The following G3BP1 variants were observed in gnomAD, a reference collection of about 807,000 sequenced individuals.
G3BP1 encodes ras GTPase-activating protein-binding protein 1.
G3BP1 carries 35 observed loss-of-function variants against 58.6 expected under a neutral mutation model. That is an observed-to-expected ratio of 0.60 (90% CI 0.46 to 0.79). The LOEUF (loss-of-function observed/expected upper bound fraction) is 0.79, where lower values mean the gene tolerates loss of function less well. Among genes scored for constraint, G3BP1 ranks in the 30% least tolerant of loss-of-function variants. The pLI is 0.00. For synonymous variants in G3BP1, 191 were observed against 195.4 expected, an observed-to-expected ratio of 0.98 and a Z score of 0.19; for missense variants, 523 against 580.8, an observed-to-expected ratio of 0.90 and a Z score of 1.02.
intron 4 of G3BP1, chr5:151,791,985 G>A: frequency 7.2e-6 from 3 of 415,610 alleles, no homozygotes; most frequent in Non-Finnish European, 1.4e-5. Context: ...TGTAAATGAA[G>A]GATGGGAGAT....
intron 1 of G3BP1, among the ~76,000 whole-genome samples, chr5:151,773,006 T>C (rs891672915): frequency 6.6e-6 from 1 of 152,332 alleles, no homozygotes; most frequent in South Asian, 2.1e-4. Context: ...TGGGTAGATG[T>C]GCCGCCACCG....
intron 2 of G3BP1, 34 bp downstream of exon 2, chr5:151,786,749 G>A (rs781412582): frequency 2.5e-6 from 3 of 1,207,504 alleles, no homozygotes; most frequent in Non-Finnish European, 3.7e-6. Context: ...ATCTAATGCT[G>A]TCTTTTAGTA....
Position 151,804,100 on chromosome 5 carries a change from G to A in G3BP1, c.*9G>A, listed in dbSNP as rs775227433. On this transcript the variant is annotated 3_prime_UTR_variant, in exon 12 of 12. Transcript: ENST00000356245. ...TTGCGCCACGGCAGTGAATCTTCAT[G>A]GATCTTCATGCAGCCATACAAACCC... 3 of 1,571,362 alleles carry A rather than the reference G, an allele frequency of 1.9e-6. No homozygotes were observed. The highest frequency in any genetic ancestry group is 2.7e-5 in the African/African-American group (2 of 73,712).
At chr5:151,799,819 A>G (rs1762819591) in intron 8 of G3BP1, 70 bp from the exon 9 acceptor site, 6 of 876,558 alleles carry the variant, frequency 6.8e-6, no homozygotes, top group Admixed American at 2.3e-5. Flanking sequence ...CTTGTTAGCT[A>G]AGAAACTTCA....
At chr5:151,772,356 C>A (rs1486609576) in intron 1 of G3BP1, 2 of 152,120 alleles carry the variant, frequency 1.3e-5, no homozygotes, top group African/African-American at 4.8e-5. Flanking sequence ...GGGTCCCGCG[C>A]CCAGCGTTTC....
At chr5:151,773,676 A>G (rs1329325072) in intron 1 of G3BP1, among the ~76,000 whole-genome samples, 3 of 152,218 alleles carry the variant, frequency 2.0e-5, no homozygotes, top group South Asian at 2.1e-4. Context: ...ACATGTTTCT[A>G]TAACAGTATT....
chr5:151,792,627 A>C (rs1016724276), intron 4 of G3BP1, among the ~76,000 whole-genome samples: 1 of 152,146 alleles, frequency 6.6e-6, no homozygotes, highest in African/African-American at 2.4e-5. Context: ...TTTTGAGAGA[A>C]GAGTCTCCCT....
rs190361636 is a variant in G3BP1 at position 151,786,455 on chromosome 5, G to A, written c.-49-117G>A. The A allele has an allele frequency of 3.3e-4, 208 of 621,580 alleles. No homozygotes were observed. In the African/African-American group the frequency reaches 3.5e-3, roughly 10 times the overall value. 38.5% of individuals were successfully genotyped at this position (621,580 alleles called of 1,614,324 possible). On this transcript the variant is annotated intron_variant, in intron 1 of 11. Transcript: ENST00000356245. ...ATAAAATCTCAACTGGTCTGTATGG[G>A]CTCTGTTTGTTTTTATGATGTTTGT... is the stretch of plus-strand genomic sequence containing the variant.
At chr5:151,772,142 G>GCGTCCCCCACCC (rs1762273817) in intron 1 of G3BP1, 106 bp downstream of exon 1, 1 of 151,364 alleles carries the variant, frequency 6.6e-6, no homozygotes, top group African/African-American at 2.4e-5. Context: ...CGCGCCAGTC[G>GCGTCCCCCACCC]CGTCCCCCAC....
chr5:151,786,484 T>C lies in G3BP1; in HGVS notation c.-49-88T>C. 5 of 674,964 alleles carry C rather than the reference T, an allele frequency of 7.4e-6. No individual in the cohort carries two copies. In the South Asian group the frequency reaches 8.8e-5, roughly 12 times the overall value. The allele number at this position is 674,964 out of a possible 1,614,324, so 41.8% of individuals were successfully genotyped here. ...TGTTTGTTTTTATGATGTTTGTTCA[T>C]GTTTTAAACGACTTGCTGAAATGAT... On this transcript the variant is annotated intron_variant, in intron 1 of 11. Transcript: ENST00000356245.
At position 151,794,241 on chromosome 5, in the gene G3BP1, C is replaced by A; in HGVS notation, c.434C>A (p.Pro145His). 6.3e-7 allele frequency: 1 copy of A among 1,582,880 alleles called. No individual in the cohort carries two copies. Among genetic ancestry groups the A allele is most frequent in the Non-Finnish European group, 8.7e-7 (1 of 1,151,622 alleles). ...DEVFGGFVTEPQEESEEEVEE... is the reference protein window; with the variant it reads ...DEVFGGFVTEHQEESEEEVEE... ...GTCTTTGGTGGGTTTGTCACTGAGCCTCAGGAGGGTAAGTAGTGAAATACT... is the reference window on the plus strand; with the variant it reads ...GTCTTTGGTGGGTTTGTCACTGAGCATCAGGAGGGTAAGTAGTGAAATACT... The change falls in exon 5 of 12, where the codon CCT (proline) becomes CAT (histidine). Residue 145 changes from proline (P) to histidine (H), a missense_variant. Physicochemically the swap from Pro to His is moderately conservative, Grantham distance 77 (BLOSUM62 -2). Transcript: ENST00000356245.
In G3BP1 at chr5:151,799,250, A is replaced by T. The variant is rs1762807503; in HGVS notation, c.780A>T (p.Pro260=). 6.2e-7 allele frequency: 1 copy of T among 1,604,464 alleles called. No individual in the cohort carries two copies. ...CATCTGTGACCAGTAAGAATCTTCCACCCAGTGGAGCTGTTCCAGTTACTG... is the reference window on the plus strand; with the variant it reads ...CATCTGTGACCAGTAAGAATCTTCCTCCCAGTGGAGCTGTTCCAGTTACTG... The part of the protein sequence containing the change: ...SWASVTSKNL[P]PSGAVPVTGI... Residue 260 remains proline (P), a synonymous_variant, in exon 8 of 12, where the codon CCA becomes CCT. Transcript: ENST00000356245.
At chr5:151,774,354 T>TC (rs1402533301) in intron 1 of G3BP1, among the ~76,000 whole-genome samples, 2 of 152,006 alleles carry the variant, frequency 1.3e-5, no homozygotes, top group Admixed American at 6.6e-5. Context: ...TTTTTTTTTT[T>TC]CCCACTCGTT....
chr5:151,777,723 T>G (rs1762397690), intron 1 of G3BP1, among the ~76,000 whole-genome samples: 1 of 152,122 alleles, frequency 6.6e-6, no homozygotes. Flanking sequence ...CACAGGAGAC[T>G]CTTAAAAGAA....
chr5:151,797,532 A>G, intron 7 of G3BP1, 104 bp downstream of exon 7: 3 of 1,238,406 alleles, frequency 2.4e-6, no homozygotes, highest in East Asian at 2.6e-5. Flanking sequence ...ATACATTTTC[A>G]TATTGGTGGT....
At chr5:151,796,658 C>CT (rs2113242875) in intron 6 of G3BP1, among the ~76,000 whole-genome samples, 2 of 152,202 alleles carry the variant, frequency 1.3e-5, no homozygotes, top group Non-Finnish European at 2.9e-5. Context: ...TCCTTATGTG[C>CT]TTGAAAGAGT....
chr5:151,798,246 A>G (rs1293142785), intron 7 of G3BP1, among the ~76,000 whole-genome samples: 1 of 152,120 alleles, frequency 6.6e-6, no homozygotes, highest in African/African-American at 2.4e-5. Flanking sequence ...CCTGCTTGGG[A>G]GGCTGAGGTA....
chr5:151,800,823 T>C lies in G3BP1; in HGVS notation c.1148T>C (p.Val383Ala). 1 of 1,612,648 alleles carries C rather than the reference T, an allele frequency of 6.2e-7. No homozygotes were observed. The highest frequency in any genetic ancestry group is 8.5e-7 in the Non-Finnish European group (1 of 1,178,770). Residue 383 changes from valine (V) to alanine (A), a missense_variant, in exon 11 of 12, where the codon GTT (valine) becomes GCT (alanine). Val to Ala is a moderately conservative substitution (Grantham distance 64). Transcript: ENST00000356245. ...SGGKLPNFGF[V>A]VFDDSEPVQK... Reference sequence around the variant, plus strand: ...GGGAAATTACCCAATTTTGGTTTTGTTGTGTTTGATGATTCTGAGCCTGTT... The same window carrying C: ...GGGAAATTACCCAATTTTGGTTTTGCTGTGTTTGATGATTCTGAGCCTGTT...
rs564034133 is a variant in G3BP1, at chr5:151,805,793, A to G, written c.*1702A>G. The G allele has an allele frequency of 2.0e-5, 3 of 152,200 alleles. No individual in the cohort carries two copies. Among genetic ancestry groups the G allele is most frequent in the Non-Finnish European group, 4.4e-5 (3 of 68,040 alleles). The allele number at this position is 152,200 out of a possible 1,614,324, so 9.4% of individuals were successfully genotyped here. A position where few individuals can be genotyped will look rare whatever the true frequency, so the allele number is the denominator to read the frequency against. The stretch of plus-strand genomic sequence containing the variant: ...GATAATAGGAAGAAATACAACTTAT[A>G]CTTTTGTAGCTTATATTAAGCATGT... On this transcript the variant is annotated 3_prime_UTR_variant, in exon 12 of 12. Transcript: ENST00000356245.
Sources: allele counts gnomAD v4.1 joint callset (sites outside exome capture counted in the v4.1 genomes callset), GRCh38; gene constraint gnomAD v4.1.1; transcripts MANE v1.5; gene names NCBI Gene and HGNC (gene_info 2026-07-23, HGNC 2026-07-21).